Variants in MECOM observed in about 807,000 individuals in gnomAD.
The protein encoded by MECOM is histone-lysine N-methyltransferase MECOM.
In MECOM, 13 loss-of-function variants were observed where a neutral mutation model predicts 116.3. The observed-to-expected ratio is 0.11, with a 90% confidence interval of 0.07 to 0.18. MECOM has a LOEUF of 0.18. Ranked by LOEUF, MECOM falls within the 10% of genes least tolerant of loss-of-function variation. The pLI is 1.00. For synonymous variants in MECOM, 528 were observed against 535.2 expected (o/e 0.99, Z 0.19); for missense variants, 1,299 against 1,509.0 (o/e 0.86, Z 2.31).
At chr3:169,187,368 T>C (rs1173007144) in intron 2 of MECOM, among the ~76,000 whole-genome samples, 7 of 152,130 alleles carry the variant, frequency 4.6e-5, no homozygotes, top group Non-Finnish European at 1.0e-4. Context: ...AGCAGAACAT[T>C]CATCAATGAG....
intron 1 of MECOM, among the ~76,000 whole-genome samples, chr3:169,600,819 A>G (rs1206931160): frequency 6.6e-6 from 1 of 152,346 alleles, no homozygotes; most frequent in East Asian, 1.9e-4. Context: ...CCAAGACACA[A>G]TGGCTAAATG....
At chr3:169,388,016 C>A (rs926193001) in intron 1 of MECOM, among the ~76,000 whole-genome samples, 3 of 151,924 alleles carry the variant, frequency 2.0e-5, no homozygotes, top group African/African-American at 7.3e-5. Flanking sequence ...TGGGCCCAAG[C>A]GCCAGTACTT....
chr3:169,562,994 G>A (rs962898409), intron 1 of MECOM, among the ~76,000 whole-genome samples: 4 of 151,216 alleles, frequency 2.6e-5, no homozygotes, highest in Non-Finnish European at 5.9e-5. Flanking sequence ...AACCCAGGAG[G>A]TGGAGGTTGC....
chr3:169,547,623 T>C (rs538126721), intron 1 of MECOM, among the ~76,000 whole-genome samples: 1 of 152,314 alleles, frequency 6.6e-6, no homozygotes, highest in East Asian at 1.9e-4. Flanking sequence ...CAAAAAGATA[T>C]GTTCAAGTCC....
At chr3:169,230,772 C>T (rs1753287358) in intron 2 of MECOM, among the ~76,000 whole-genome samples, 1 of 152,068 alleles carries the variant, frequency 6.6e-6, no homozygotes, top group African/African-American at 2.4e-5. Flanking sequence ...CCTAGATGGT[C>T]ATTTTGAAGG....
In MECOM at chr3:169,420,100, C is replaced by A. The variant is rs543405320; in HGVS notation, c.38-38576G>T. Reference sequence around the variant, plus strand: ...GTTAGAATGGCGATCATTAAAAAGCCAGGAAACAACAGATGCTAGAGAGGA... The same window carrying A: ...GTTAGAATGGCGATCATTAAAAAGCAAGGAAACAACAGATGCTAGAGAGGA... On this transcript the variant is annotated intron_variant, in intron 1 of 16. Coordinates refer to ENST00000651503, the MANE Select transcript of MECOM (RefSeq NM_004991.4). Among the ~76,000 whole-genome samples, 18 of 152,262 alleles carry A rather than the reference C, an allele frequency of 1.2e-4. No homozygotes were observed. In the East Asian group the frequency reaches 3.3e-3, roughly 28 times the overall value.
At chr3:169,389,500 A>G in intron 1 of MECOM, 1 of 903,240 alleles carries the variant, frequency 1.1e-6, no homozygotes, top group South Asian at 5.1e-5. Context: ...TGTTTTAGCT[A>G]TGTGCCTCTA....
At chr3:169,375,196 C>T (rs1005180904) in intron 2 of MECOM, among the ~76,000 whole-genome samples, 1 of 152,008 alleles carries the variant, frequency 6.6e-6, no homozygotes, top group Admixed American at 6.6e-5. Context: ...AAATTTGTAA[C>T]ACTAAATGCC....
intron 2 of MECOM, among the ~76,000 whole-genome samples, chr3:169,272,165 CT>C (rs1203579794): frequency 6.6e-6 from 1 of 152,186 alleles, no homozygotes; most frequent in Admixed American, 6.5e-5. Context: ...AAGATTAACC[CT>C]TTGGCAGGGT....
intron 2 of MECOM, among the ~76,000 whole-genome samples, chr3:169,197,870 C>A (rs2220393): frequency 0.18 from 27,803 of 151,864 alleles, 2,672 homozygotes; most frequent in East Asian, 0.31. Flanking sequence ...AACTGACAGG[C>A]GTTTGATTTA....
At chr3:169,384,232 C>T (rs1044516833) in intron 1 of MECOM, among the ~76,000 whole-genome samples, 15 of 152,060 alleles carry the variant, frequency 9.9e-5, no homozygotes, top group African/African-American at 3.4e-4. Flanking sequence ...AACTATGAAT[C>T]CAAATCAATA....
chr3:169,548,974 T>C lies in MECOM; in HGVS notation c.37+114362A>G, dbSNP rs983135166. Among the ~76,000 whole-genome samples, 970 of 115,176 alleles carry C rather than the reference T, an allele frequency of 8.4e-3. 4 individuals carry two copies. Among genetic ancestry groups the C allele is most frequent in the African/African-American group, 0.037 (934 of 24,952 alleles). 75.6% of individuals were successfully genotyped at this position (115,176 alleles called of 152,430 possible). A position where few individuals can be genotyped will look rare whatever the true frequency, so the allele number is the denominator to read the frequency against. The stretch of plus-strand genomic sequence containing the variant: ...CGTAAAACTGACATTTGTCTCTCTT[T>C]TTTTTTTTTTTTTTTTTGAGACGAA... On this transcript the variant is annotated intron_variant, in intron 1 of 16. Transcript: ENST00000651503.
intron 12 of MECOM, among the ~76,000 whole-genome samples, chr3:169,098,509 C>G (rs1464024528): frequency 1.3e-5 from 2 of 152,172 alleles, no homozygotes; most frequent in East Asian, 3.8e-4. Flanking sequence ...GTACATGATG[C>G]TGACATGTCT....
At chr3:169,605,091 C>CT (rs1768352682) in intron 1 of MECOM, among the ~76,000 whole-genome samples, 1 of 152,104 alleles carries the variant, frequency 6.6e-6, no homozygotes, top group South Asian at 2.1e-4. Flanking sequence ...TCAGAAAACT[C>CT]TGAGTGGGAG....
intron 2 of MECOM, among the ~76,000 whole-genome samples, chr3:169,178,288 G>A (rs1745472928): frequency 6.6e-6 from 1 of 152,210 alleles, no homozygotes; most frequent in African/African-American, 2.4e-5. Flanking sequence ...GGCCGCATGA[G>A]TGATTATACG....
chr3:169,259,569 T>TA (rs562249825), intron 2 of MECOM, among the ~76,000 whole-genome samples: 80 of 151,382 alleles, frequency 5.3e-4, no homozygotes, highest in Non-Finnish European at 9.9e-4. Context: ...AAAAAATAAT[T>TA]AAAAAAAAAT....
intron 2 of MECOM, among the ~76,000 whole-genome samples, chr3:169,280,274 C>A (rs1711648534): frequency 6.6e-6 from 1 of 152,136 alleles, no homozygotes; most frequent in Non-Finnish European, 1.5e-5. Flanking sequence ...ATATGATTAC[C>A]TTTAACAATC....
chr3:169,599,117 C>T (rs984692508), intron 1 of MECOM, among the ~76,000 whole-genome samples: 1 of 152,214 alleles, frequency 6.6e-6, no homozygotes, highest in East Asian at 1.9e-4. Flanking sequence ...CTCATCCTCA[C>T]ACCTTAAATG....
intron 1 of MECOM, among the ~76,000 whole-genome samples, chr3:169,430,106 T>C (rs1741367712): frequency 1.3e-5 from 2 of 152,224 alleles, no homozygotes; most frequent in Admixed American, 1.3e-4. Flanking sequence ...ACAGTAAGTC[T>C]ATTCCATTCA....
Sources: gnomAD v4.1 joint callset for allele counts (sites outside exome capture counted in the v4.1 genomes callset) on GRCh38, gnomAD v4.1.1 for gene constraint, MANE v1.5 for transcripts, NCBI Gene and HGNC (gene_info 2026-07-23, HGNC 2026-07-21) for gene names.